The following OSBPL6 variants were observed in gnomAD, a reference collection of about 807,000 sequenced individuals.
OSBPL6 encodes the protein oxysterol-binding protein-related protein 6.
In OSBPL6, 49 loss-of-function variants were observed where a neutral mutation model predicts 125.8. The observed-to-expected ratio is 0.39, with a 90% CI of 0.31 to 0.49. The LOEUF (loss-of-function observed/expected upper bound fraction) is 0.49, where lower values mean the gene tolerates loss of function less well. Among genes scored for constraint, OSBPL6 ranks in the 20% least tolerant of loss-of-function variants. The pLI is 0.88. For synonymous variants in OSBPL6, 394 were observed against 391.8 expected (o/e 1.01, Z -0.07); for missense variants, 986 against 1,135.4 (o/e 0.87, Z 1.89).
intron 15 of OSBPL6, 68 bp downstream of exon 15, chr2:178,374,095 A>T: frequency 6.6e-7 from 1 of 1,519,266 alleles, no homozygotes; most frequent in South Asian, 1.2e-5. Context: ...AGAACATAAA[A>T]CTGTGGAACT....
At chr2:178,391,270 GGGAAGAGAACATCA>G in intron 22 of OSBPL6, 53 bp downstream of exon 22, 1 of 1,505,586 alleles carries the variant, frequency 6.6e-7, no homozygotes, top group South Asian at 1.4e-5. Context: ...GACAACAGAA[GGGAAGAGAACATCA>G]GGTCATCTTA....
chr2:178,382,303 C>T, intron 15 of OSBPL6, 117 bp from the exon 16 acceptor site: 15 of 1,274,252 alleles, frequency 1.2e-5, no homozygotes, highest in Middle Eastern at 5.4e-4. Context: ...AATACTTTTC[C>T]CTCTAGGACC....
At position 178,383,249 on chromosome 2, in the gene OSBPL6, C is replaced by T. The variant is rs148726941; in HGVS notation, c.1847C>T (p.Ser616Leu). The T allele has an allele frequency of 1.6e-5, 26 of 1,613,990 alleles. No homozygotes were observed. The highest frequency in any genetic ancestry group is 2.2e-5 in the Non-Finnish European group (26 of 1,180,020). Residue 616 changes from serine (S) to leucine (L), a missense_variant, in exon 17 of 25, where the codon TCG (serine) becomes TTG (leucine). Coordinates refer to ENST00000190611, the MANE Select transcript of OSBPL6 (RefSeq NM_032523.4). Reference protein sequence around the residue: ...MEYSELLDKASETDDPYERMV... With the variant: ...MEYSELLDKALETDDPYERMV... Reference sequence around the variant, plus strand: ...TACAGCGAGCTCCTGGACAAGGCTTCGGAAACTGATGATCCATATGAGCGC... The same window carrying T: ...TACAGCGAGCTCCTGGACAAGGCTTTGGAAACTGATGATCCATATGAGCGC...
intron 15 of OSBPL6, among the ~76,000 whole-genome samples, chr2:178,379,383 GGAGAAA>G (rs1694245820): frequency 7.0e-6 from 1 of 142,898 alleles, no homozygotes; most frequent in Non-Finnish European, 1.5e-5. Context: ...GGGAGGAAAA[GGAGAAA>G]GGAGGCAGGG....
At chr2:178,237,467 C>T (rs1260885605) in intron 1 of OSBPL6, among the ~76,000 whole-genome samples, 4 of 152,170 alleles carry the variant, frequency 2.6e-5, no homozygotes, top group African/African-American at 9.7e-5. Context: ...AAAAGGTCTC[C>T]TCTGTTGCCC....
rs150278311 is a variant in OSBPL6, at chr2:178,237,528, C to T, written c.-351+42854C>T. The stretch of plus-strand genomic sequence containing the variant: ...TACACCTTCCCACTCTTGTGAGATG[C>T]TGATTTATCAGTTATATTCTTCCTT... On this transcript the variant is annotated intron_variant, in intron 1 of 24. Transcript: ENST00000190611. 2.4e-3 allele frequency among the ~76,000 whole-genome samples: 363 copies of T among 152,218 alleles called. 2 individuals carry two copies. Among genetic ancestry groups the T allele is most frequent in the Non-Finnish European group, 1.2e-3 (80 of 68,016 alleles).
intron 1 of OSBPL6, among the ~76,000 whole-genome samples, chr2:178,252,731 A>G (rs1317574025): frequency 1.3e-5 from 2 of 152,170 alleles, no homozygotes; most frequent in Non-Finnish European, 2.9e-5. Flanking sequence ...AATTAATGCT[A>G]ATACTTCTAG....
chr2:178,270,592 T>C (rs2092355830), intron 1 of OSBPL6, among the ~76,000 whole-genome samples: 1 of 152,212 alleles, frequency 6.6e-6, no homozygotes, highest in Non-Finnish European at 1.5e-5. Flanking sequence ...CTGCCTATTC[T>C]TTGTGGTGCT....
intron 1 of OSBPL6, among the ~76,000 whole-genome samples, chr2:178,212,764 T>C (rs1001888940): frequency 2.0e-5 from 3 of 152,194 alleles, no homozygotes; most frequent in African/African-American, 7.2e-5. Flanking sequence ...TTGGAAAACA[T>C]TTTTATGTAA....
At chr2:178,308,985 C>G (rs1687023786) in intron 3 of OSBPL6, among the ~76,000 whole-genome samples, 1 of 152,078 alleles carries the variant, frequency 6.6e-6, no homozygotes, top group African/African-American at 2.4e-5. Flanking sequence ...ACTTGGAACC[C>G]CATGTCTAGC....
intron 15 of OSBPL6, among the ~76,000 whole-genome samples, chr2:178,376,770 G>A (rs1210129307): frequency 6.6e-6 from 1 of 152,156 alleles, no homozygotes; most frequent in Non-Finnish European, 1.5e-5. Context: ...TTCTGGAGTT[G>A]CCCATTTGCT....
chr2:178,212,222 G>A (rs1424963275), intron 1 of OSBPL6, among the ~76,000 whole-genome samples: 1 of 152,138 alleles, frequency 6.6e-6, no homozygotes, highest in African/African-American at 2.4e-5. Context: ...TAATGGGGAG[G>A]ATTAAGGCAA....
chr2:178,234,568 AC>A (rs1441603071), intron 1 of OSBPL6, among the ~76,000 whole-genome samples: 1 of 152,228 alleles, frequency 6.6e-6, no homozygotes, highest in East Asian at 1.9e-4. Context: ...CAGTATCAAA[AC>A]CCTGACATAG....
At chr2:178,239,308 A>G (rs1293093021) in intron 1 of OSBPL6, among the ~76,000 whole-genome samples, 1 of 152,228 alleles carries the variant, frequency 6.6e-6, no homozygotes, top group African/African-American at 2.4e-5. Flanking sequence ...ATGGCTGGGC[A>G]CAGTGGCTCA....
chr2:178,227,094 A>G (rs534447087), intron 1 of OSBPL6, among the ~76,000 whole-genome samples: 1 of 152,368 alleles, frequency 6.6e-6, no homozygotes, highest in African/African-American at 2.4e-5. Context: ...AAGAAGTCCA[A>G]TAACTCAGGA....
intron 3 of OSBPL6, among the ~76,000 whole-genome samples, chr2:178,312,982 G>A (rs748594779): frequency 4.6e-5 from 7 of 151,382 alleles, no homozygotes; most frequent in African/African-American, 1.5e-4. Flanking sequence ...TGCAACCTCC[G>A]CCACCCAGGT....
At chr2:178,257,411 T>C (rs1472881443) in intron 1 of OSBPL6, among the ~76,000 whole-genome samples, 1 of 152,242 alleles carries the variant, frequency 6.6e-6, no homozygotes, top group East Asian at 1.9e-4. Context: ...ATAACGTTTT[T>C]ATTATACATA....
chr2:178,383,245 G>T lies in OSBPL6; in HGVS notation c.1843G>T (p.Ala615Ser), dbSNP rs1486272138. Residue 615 changes from alanine to serine, a missense_variant, in exon 17 of 25, where the codon GCT becomes TCT. Around this residue, in one of 3 missense-constraint regions of OSBPL6, gnomAD observed 843 missense variants for 997.3 expected, o/e 0.85. Transcript: ENST00000190611. ...GGAATACAGCGAGCTCCTGGACAAGGCTTCGGAAACTGATGATCCATATGA... is the reference window on the plus strand; with the variant it reads ...GGAATACAGCGAGCTCCTGGACAAGTCTTCGGAAACTGATGATCCATATGA... ...EMEYSELLDK[A>S]SETDDPYERM... 5.6e-6 allele frequency: 9 copies of T among 1,614,054 alleles called. No homozygotes were observed. Among genetic ancestry groups the T allele is most frequent in the Non-Finnish European group, 7.6e-6 (9 of 1,180,040 alleles).
chr2:178,315,388 G>A (rs1463628027), intron 3 of OSBPL6, among the ~76,000 whole-genome samples: 1 of 152,182 alleles, frequency 6.6e-6, no homozygotes, highest in African/African-American at 2.4e-5. Flanking sequence ...CATATTTTAT[G>A]AGTTTGTGTG....
Sources: allele counts gnomAD v4.1 joint callset (sites outside exome capture counted in the v4.1 genomes callset), GRCh38; gene constraint gnomAD v4.1.1; regional missense constraint gnomAD v4.1.1; transcripts MANE v1.5; gene names NCBI Gene and HGNC (gene_info 2026-07-23, HGNC 2026-07-21).